The following NXPH1 variants were observed in gnomAD, a reference collection of about 807,000 sequenced individuals.
NXPH1 encodes the protein neurexophilin-1.
NXPH1 carries 5 observed loss-of-function variants against 23.7 expected under a neutral mutation model. The observed-to-expected ratio is 0.21, with a 90% CI of 0.11 to 0.44. The LOEUF (loss-of-function observed/expected upper bound fraction) is 0.44, where lower values mean the gene tolerates loss of function less well. Among genes scored for constraint, NXPH1 ranks in the 20% least tolerant of loss-of-function variants. The pLI is 0.99. For missense variants in NXPH1, 324 were observed against 321.6 expected (o/e 1.01, Z -0.06); for synonymous variants, 144 against 122.2 (o/e 1.18, Z -1.18).
At chr7:8,734,592 G>A (rs1780215712) in intron 2 of NXPH1, among the ~76,000 whole-genome samples, 1 of 152,070 alleles carries the variant, frequency 6.6e-6, no homozygotes, top group African/African-American at 2.4e-5. Flanking sequence ...TGTATTTGCT[G>A]AGGAATGTTT....
chr7:8,508,459 G>T (rs1450760255), intron 2 of NXPH1, among the ~76,000 whole-genome samples: 1 of 152,070 alleles, frequency 6.6e-6, no homozygotes, highest in Non-Finnish European at 1.5e-5. Context: ...TTTGAACAGT[G>T]CCTCTTACAT....
At chr7:8,443,799 G>C (rs1221509674) in intron 2 of NXPH1, among the ~76,000 whole-genome samples, 1 of 152,184 alleles carries the variant, frequency 6.6e-6, no homozygotes. Flanking sequence ...ATCATCATTA[G>C]ACCCGGGATG....
chr7:8,625,517 G>T (rs980846614), intron 2 of NXPH1, among the ~76,000 whole-genome samples: 2 of 152,128 alleles, frequency 1.3e-5, no homozygotes, highest in Non-Finnish European at 2.9e-5. Context: ...CCCTGCCAAA[G>T]CTCTCAGTGA....
At chr7:8,565,966 C>G (rs763161331) in intron 2 of NXPH1, among the ~76,000 whole-genome samples, 8 of 151,820 alleles carry the variant, frequency 5.3e-5, no homozygotes, top group Non-Finnish European at 1.2e-4. Context: ...CTTTGTGTGT[C>G]TTAAAGTGCT....
chr7:8,563,775 C>T (rs1818491337), intron 2 of NXPH1, among the ~76,000 whole-genome samples: 1 of 151,784 alleles, frequency 6.6e-6, no homozygotes, highest in African/African-American at 2.4e-5. Flanking sequence ...AGCCACTGTG[C>T]TCTGCTAATA....
intron 2 of NXPH1, among the ~76,000 whole-genome samples, chr7:8,613,980 T>C (rs547480029): frequency 4.5e-4 from 68 of 152,024 alleles, no homozygotes; most frequent in African/African-American, 1.5e-3. Flanking sequence ...TAATAACTGT[T>C]CTTATGGTTT....
chr7:8,511,472 C>G (rs1817611089), intron 2 of NXPH1, among the ~76,000 whole-genome samples: 1 of 152,106 alleles, frequency 6.6e-6, no homozygotes, highest in Admixed American at 6.6e-5. Context: ...CTCCCTCTCT[C>G]AGATGTGAGG....
intron 2 of NXPH1, among the ~76,000 whole-genome samples, chr7:8,724,370 A>G (rs574382100): frequency 6.6e-6 from 1 of 152,346 alleles, no homozygotes; most frequent in African/African-American, 2.4e-5. Context: ...ATTTGAAGTC[A>G]GTGAGTTTAG....
At chr7:8,525,029 A>G (rs1817840197) in intron 2 of NXPH1, among the ~76,000 whole-genome samples, 1 of 152,176 alleles carries the variant, frequency 6.6e-6, no homozygotes, top group Admixed American at 6.5e-5. Flanking sequence ...GAACAATTTG[A>G]AGGGCTCAGA....
chr7:8,560,367 ACT>A (rs1818423140), intron 2 of NXPH1, among the ~76,000 whole-genome samples: 2 of 151,596 alleles, frequency 1.3e-5, no homozygotes, highest in African/African-American at 4.8e-5. Context: ...TAAAGAACAC[ACT>A]CTAATTCTAG....
chr7:8,469,345 T>C (rs973744010), intron 2 of NXPH1, among the ~76,000 whole-genome samples: 2 of 152,000 alleles, frequency 1.3e-5, no homozygotes, highest in Non-Finnish European at 2.9e-5. Flanking sequence ...TAAAAAAAAA[T>C]CTTTATTTGC....
intron 2 of NXPH1, among the ~76,000 whole-genome samples, chr7:8,504,950 C>G (rs1817497047): frequency 6.6e-6 from 1 of 152,026 alleles, no homozygotes; most frequent in African/African-American, 2.4e-5. Context: ...ACCACCTTGT[C>G]TATGGTATTC....
At position 8,746,414 on chromosome 7, in the gene NXPH1, T is replaced by C. The variant is rs78388249; in HGVS notation, c.55-4594T>C. Reference sequence around the variant, plus strand: ...AGGCTTCCTGACTGTCAGCACCACTTGAAGCCTTTCCCATTATATCACTGA... The same window carrying C: ...AGGCTTCCTGACTGTCAGCACCACTCGAAGCCTTTCCCATTATATCACTGA... On this transcript the variant is annotated intron_variant, in intron 2 of 2. Coordinates refer to ENST00000405863, the MANE Select transcript of NXPH1 (RefSeq NM_152745.3). Among the ~76,000 whole-genome samples the C allele has an allele frequency of 8.0e-3, 1,218 of 152,294 alleles. 17 individuals carry two copies. Among genetic ancestry groups the C allele is most frequent in the African/African-American group, 0.028 (1,162 of 41,558 alleles).
intron 2 of NXPH1, among the ~76,000 whole-genome samples, chr7:8,563,579 GGT>G (rs1354791647): frequency 6.6e-6 from 1 of 151,728 alleles, no homozygotes; most frequent in Non-Finnish European, 1.5e-5. Flanking sequence ...TGAGCAATAA[GGT>G]GTGAAAAAAT....
chr7:8,718,111 A>G (rs1779908007), intron 2 of NXPH1, among the ~76,000 whole-genome samples: 1 of 152,066 alleles, frequency 6.6e-6, no homozygotes, highest in South Asian at 2.1e-4. Flanking sequence ...TTACATTTCT[A>G]CTTGAAATGC....
At chr7:8,659,528 A>G (rs1000564207) in intron 2 of NXPH1, among the ~76,000 whole-genome samples, 1 of 152,190 alleles carries the variant, frequency 6.6e-6, no homozygotes, top group Non-Finnish European at 1.5e-5. Flanking sequence ...TGGGAATTGA[A>G]CAATGAGAAC....
In NXPH1 at chr7:8,433,609, A is replaced by T. The variant is rs1816135717; in HGVS notation, c.-1257A>T. On this transcript the variant is annotated 5_prime_UTR_variant, in exon 1 of 3. Transcript: ENST00000405863. This position sits in a 1 kb window ranked among gnomAD's most constrained non-coding sequence, Gnocchi z 6.8. The stretch of plus-strand genomic sequence containing the variant: ...AGGAGTCCAGAGGCCAAGGTCGCCC[A>T]GTCCTCTCGGCTGTCTCGAGCTGAA... 6.6e-6 allele frequency among the ~76,000 whole-genome samples: 1 copy of T among 152,118 alleles called. No individual in the cohort carries two copies. The highest frequency in any genetic ancestry group is 1.5e-5 in the Non-Finnish European group (1 of 68,010).
rs374624244 is a variant in NXPH1, at chr7:8,435,796, C to A, written c.54+29C>A. 2.5e-5 allele frequency: 41 copies of A among 1,610,590 alleles called. No individual in the cohort carries two copies. Among genetic ancestry groups the A allele is most frequent in the Non-Finnish European group, 3.5e-5 (41 of 1,177,032 alleles). ...AGTCTTGGAAGGTTCGGGGCTTTCG[C>A]ATTTTTACCCCGGCCGGGAGGCAAG... On this transcript the variant is annotated intron_variant, in intron 2 of 2. Coordinates refer to ENST00000405863, the MANE Select transcript of NXPH1 (RefSeq NM_152745.3). This position sits in a 1 kb window ranked among gnomAD's most constrained non-coding sequence, Gnocchi z 5.9.
At chr7:8,607,690 C>T (rs1819524374) in intron 2 of NXPH1, among the ~76,000 whole-genome samples, 1 of 152,104 alleles carries the variant, frequency 6.6e-6, no homozygotes, top group South Asian at 2.1e-4. Flanking sequence ...TGTTGCTAGA[C>T]CCCTTTGCTT....
Sources: gnomAD v4.1 joint callset for allele counts (sites outside exome capture counted in the v4.1 genomes callset) on GRCh38, gnomAD v4.1.1 for gene constraint, Gnocchi (gnomAD v3.1) non-coding constraint, MANE v1.5 for transcripts, NCBI Gene and HGNC (gene_info 2026-07-23, HGNC 2026-07-21) for gene names.